The following TXNDC9 variants were observed in gnomAD, a reference collection of about 807,000 sequenced individuals.
TXNDC9 encodes thioredoxin domain containing 9.
A neutral mutation model predicts 23.0 loss-of-function variants in TXNDC9; 7 were observed. The ratio of observed to expected loss-of-function variants is 0.30; its 90% CI spans 0.17 to 0.57. The LOEUF is 0.57. TXNDC9 is among the 20% of genes least tolerant of loss of function. The pLI is 0.90. For missense variants in TXNDC9, 198 were observed against 252.6 expected (o/e 0.78, Z 1.47); for synonymous variants, 72 against 90.6 (o/e 0.79, Z 1.17).
chr2:99,313,621 G>GT, the TXNDC9 span, among the ~76,000 whole-genome samples: 2 of 152,086 alleles, frequency 1.3e-5, no homozygotes, highest in Non-Finnish European at 2.9e-5. Flanking sequence ...GGGCAACAGA[G>GT]TAAGACCTGT....
the TXNDC9 span, among the ~76,000 whole-genome samples, chr2:99,308,874 G>T: frequency 6.6e-6 from 1 of 151,878 alleles, no homozygotes; most frequent in Non-Finnish European, 1.5e-5. Flanking sequence ...ACCACGCCTG[G>T]CTAATTTTTA....
At position 99,319,792 on chromosome 2, in the gene TXNDC9, A is replaced by G; in HGVS notation, c.571T>C (p.Leu191=). Residue 191 remains leucine, a synonymous_variant, in exon 5 of 5, where the codon TTA becomes CTA. Transcript: ENST00000264255. ...TGGTTCTGAAATGGTGGCTCCATTAAATTTCCACTTAAAAAAAAAAAAAAG... is the reference window on the plus strand; with the variant it reads ...TGGTTCTGAAATGGTGGCTCCATTAGATTTCCACTTAAAAAAAAAAAAAAG... ...SSDILNYSGN[L]MEPPFQNQKK... 6.4e-7 allele frequency: 1 copy of G among 1,573,464 alleles called. No individual in the cohort carries two copies. The highest frequency in any genetic ancestry group is 8.6e-7 in the Non-Finnish European group (1 of 1,165,308).
chr2:99,335,044 G>A (rs746210585), intron 1 of TXNDC9, among the ~76,000 whole-genome samples: 1 of 152,210 alleles, frequency 6.6e-6, no homozygotes, highest in Admixed American at 6.5e-5. Context: ...AAGAAATGGA[G>A]TATTTTGTAC....
In TXNDC9 at chr2:99,319,655, A is replaced by C. The variant is rs773520343; in HGVS notation, c.*27T>G. On this transcript the variant is annotated 3_prime_UTR_variant, in exon 5 of 5. Transcript: ENST00000264255. ...ATTTAAATCTGAAGCAGAAAAAAAA[A>C]GACAATTTACAAAGAATTATTGAGC... is the stretch of plus-strand genomic sequence containing the variant. 2 of 1,504,788 alleles carry C rather than the reference A, an allele frequency of 1.3e-6. No individual in the cohort carries two copies. Among genetic ancestry groups the C allele is most frequent in the Non-Finnish European group, 9.1e-7 (1 of 1,103,580 alleles). The allele number at this position is 1,504,788 out of a possible 1,614,324, so 93.2% of individuals were successfully genotyped here.
At chr2:99,310,009 C>T in the TXNDC9 span, among the ~76,000 whole-genome samples, 95 of 152,178 alleles carry the variant, frequency 6.2e-4, 1 homozygote, top group South Asian at 9.3e-3. Context: ...TCTGAGTCGG[C>T]TTTGTCGTCT....
intron 2 of TXNDC9, among the ~76,000 whole-genome samples, chr2:99,331,799 G>A (rs900495920): frequency 1.3e-5 from 2 of 152,162 alleles, no homozygotes; most frequent in Admixed American, 1.3e-4. Context: ...GCACAATCTC[G>A]ACTCACGGCA....
At chr2:99,311,390 T>G in the TXNDC9 span, among the ~76,000 whole-genome samples, 1 of 152,094 alleles carries the variant, frequency 6.6e-6, no homozygotes, top group Non-Finnish European at 1.5e-5. Context: ...TGGGATCAAG[T>G]GATCCTCCCA....
chr2:99,323,431 C>T (rs2094206929), intron 3 of TXNDC9, among the ~76,000 whole-genome samples: 2 of 151,950 alleles, frequency 1.3e-5, no homozygotes, highest in South Asian at 2.1e-4. Context: ...GTGACATCTT[C>T]TTTACATTAA....
In TXNDC9 at chr2:99,322,105, A is replaced by G. The variant is rs939565092; in HGVS notation, c.413T>C (p.Leu138Pro). The G allele has an allele frequency of 6.2e-6, 10 of 1,614,064 alleles. No homozygotes were observed. The highest frequency in any genetic ancestry group is 8.5e-6 in the Non-Finnish European group (10 of 1,180,028). Reference sequence around the variant, plus strand: ...TAGTGTGGGAATGACTTTGATATGCAGTCTCTCACAAAGGAAAGGTGCTTT... The same window carrying G: ...TAGTGTGGGAATGACTTTGATATGCGGTCTCTCACAAAGGAAAGGTGCTTT... ...VEKAPFLCER[L>P]HIKVIPTLAL... The change falls in exon 4 of 5, where the codon CTG becomes CCG. Residue 138 changes from leucine (L) to proline (P), a missense_variant. Coordinates refer to ENST00000264255, the MANE Select transcript of TXNDC9 (RefSeq NM_005783.4).
chr2:99,314,029 A>C (rs1206181083), downstream of TXNDC9, among the ~76,000 whole-genome samples: 1 of 152,198 alleles, frequency 6.6e-6, no homozygotes, highest in Non-Finnish European at 1.5e-5. Context: ...GACTTCATAT[A>C]GGTAAGTTCA....
At chr2:99,330,601 T>C (rs1411504941) in intron 2 of TXNDC9, among the ~76,000 whole-genome samples, 1 of 152,162 alleles carries the variant, frequency 6.6e-6, no homozygotes, top group African/African-American at 2.4e-5. Flanking sequence ...CACCCAAGCC[T>C]CTGCTTAACT....
chr2:99,336,186 T>A (rs1361755315), intron 1 of TXNDC9, 53 bp downstream of exon 1: 2 of 983,972 alleles, frequency 2.0e-6, no homozygotes, highest in African/African-American at 3.5e-5. Flanking sequence ...AGCAGAATGT[T>A]CACCAGCACC....
chr2:99,335,737 G>A (rs555647820), intron 1 of TXNDC9, among the ~76,000 whole-genome samples: 1 of 152,236 alleles, frequency 6.6e-6, no homozygotes, highest in Admixed American at 6.5e-5. Flanking sequence ...ATTTAATTAT[G>A]GGATAACTGG....
intron 4 of TXNDC9, among the ~76,000 whole-genome samples, chr2:99,320,258 T>C (rs1184094205): frequency 2.0e-5 from 3 of 152,206 alleles, no homozygotes; most frequent in African/African-American, 4.8e-5. Context: ...TCCTCCTGCT[T>C]TGGCATCCCA....
chr2:99,307,107 TCA>T, the TXNDC9 span, among the ~76,000 whole-genome samples: 694 of 121,480 alleles, frequency 5.7e-3, 4 homozygotes, highest in African/African-American at 0.019. Context: ...TCTCTCCTTC[TCA>T]CTCTCTCTCT....
chr2:99,323,843 T>A (rs1267342010), intron 3 of TXNDC9, among the ~76,000 whole-genome samples: 3 of 152,150 alleles, frequency 2.0e-5, no homozygotes, highest in Non-Finnish European at 4.4e-5. Context: ...TATGATCAAC[T>A]TTTATTTATT....
the TXNDC9 span, among the ~76,000 whole-genome samples, chr2:99,308,893 G>A: frequency 2.0e-5 from 3 of 151,866 alleles, no homozygotes; most frequent in Non-Finnish European, 1.5e-5. Context: ...TAGTGGAGAC[G>A]GGGTTTCACC....
chr2:99,328,172 G>A (rs933811549), intron 2 of TXNDC9, among the ~76,000 whole-genome samples: 1 of 151,626 alleles, frequency 6.6e-6, no homozygotes, highest in Non-Finnish European at 1.5e-5. Flanking sequence ...ATAGCTCACT[G>A]CAGCCTCAAA....
At chr2:99,335,863 G>A (rs1386837818) in intron 1 of TXNDC9, among the ~76,000 whole-genome samples, 2 of 152,200 alleles carry the variant, frequency 1.3e-5, no homozygotes, top group East Asian at 3.8e-4. Context: ...TCAAACCACA[G>A]CCTCTGATTC....
Sources: allele counts gnomAD v4.1 joint callset (sites outside exome capture counted in the v4.1 genomes callset), GRCh38; gene constraint gnomAD v4.1.1; transcripts MANE v1.5; gene names NCBI Gene and HGNC (gene_info 2026-07-23, HGNC 2026-07-21).